The following MAGI2 variants were observed in gnomAD, a reference collection of about 807,000 sequenced individuals.
MAGI2 encodes membrane-associated guanylate kinase, WW and PDZ domain-containing protein 2.
MAGI2 carries 35 observed loss-of-function variants against 133.3 expected under a neutral mutation model. The observed-to-expected ratio is 0.26, with a 90% CI of 0.20 to 0.35. The LOEUF is 0.35. Among genes scored for constraint, MAGI2 ranks in the 10% least tolerant of loss-of-function variants. The pLI is 1.00. For synonymous variants in MAGI2, 729 were observed against 710.6 expected (o/e 1.03, Z -0.41); for missense variants, 1,636 against 1,863.4 (o/e 0.88, Z 2.25).
intron 1 of MAGI2, among the ~76,000 whole-genome samples, chr7:79,066,490 C>T (rs183371274): frequency 6.8e-4 from 104 of 152,048 alleles, no homozygotes; most frequent in African/African-American, 2.3e-3. Flanking sequence ...GGATAGATTG[C>T]AAACATTTTC....
intron 1 of MAGI2, among the ~76,000 whole-genome samples, chr7:79,386,457 C>G (rs769900462): frequency 2.6e-5 from 4 of 151,906 alleles, no homozygotes; most frequent in Admixed American, 6.6e-5. Context: ...CTGTGATTGA[C>G]AGCAGAGCTA....
At chr7:78,414,651 T>TAC (rs201936118) in intron 6 of MAGI2, among the ~76,000 whole-genome samples, 43 of 151,816 alleles carry the variant, frequency 2.8e-4, no homozygotes, top group Non-Finnish European at 4.9e-4. Flanking sequence ...CATGTGTGCA[T>TAC]ACACACACAC....
chr7:78,123,918 G>C (rs531457703), intron 20 of MAGI2, among the ~76,000 whole-genome samples: 1 of 152,176 alleles, frequency 6.6e-6, no homozygotes, highest in African/African-American at 2.4e-5. Context: ...GCCAGGAACC[G>C]TGCTGAGAAC....
At chr7:78,313,672 G>C (rs368122049) in intron 9 of MAGI2, among the ~76,000 whole-genome samples, 5 of 151,202 alleles carry the variant, frequency 3.3e-5, no homozygotes, top group African/African-American at 9.7e-5. Context: ...AAGTATTCTT[G>C]TCTGTGTATT....
At chr7:78,766,855 G>GAA (rs991949018) in intron 2 of MAGI2, among the ~76,000 whole-genome samples, 2 of 152,100 alleles carry the variant, frequency 1.3e-5, no homozygotes, top group African/African-American at 4.8e-5. Context: ...GAGAACTAGG[G>GAA]AAAAAAACTA....
intron 10 of MAGI2, chr7:78,255,548 C>T (rs917141402): frequency 4.6e-5 from 17 of 371,214 alleles, no homozygotes; most frequent in South Asian, 2.9e-4. Flanking sequence ...AACCTAAGCA[C>T]GATTAAAAGC....
chr7:78,427,997 C>T (rs763169610), intron 6 of MAGI2, among the ~76,000 whole-genome samples: 2 of 152,152 alleles, frequency 1.3e-5, no homozygotes, highest in African/African-American at 2.4e-5. Flanking sequence ...AACTTCCAGC[C>T]ACAATCCAAA....
At chr7:79,132,435 C>G (rs541394403) in intron 1 of MAGI2, among the ~76,000 whole-genome samples, 59 of 152,096 alleles carry the variant, frequency 3.9e-4, no homozygotes, top group African/African-American at 1.4e-3. Flanking sequence ...GAATAATGGC[C>G]TCCAGATCCA....
In MAGI2 at chr7:78,483,901, T is replaced by C. The variant is rs1210852417; in HGVS notation, c.1045+5860A>G. ...ACTTGAATAGTTAATACTGTTAGGATCTTTTTATGAGTTCTTCCTTGAGGA... is the reference window on the plus strand; with the variant it reads ...ACTTGAATAGTTAATACTGTTAGGACCTTTTTATGAGTTCTTCCTTGAGGA... On this transcript the variant is annotated intron_variant, in intron 6 of 21. Transcript: ENST00000354212. Among the ~76,000 whole-genome samples the C allele has an allele frequency of 2.6e-5, 4 of 151,992 alleles. 1 individual carries two copies. The highest frequency in any genetic ancestry group is 9.7e-5 in the African/African-American group (4 of 41,440).
chr7:78,314,422 TATC>T (rs1787194417), intron 9 of MAGI2, among the ~76,000 whole-genome samples: 3 of 152,140 alleles, frequency 2.0e-5, no homozygotes, highest in Non-Finnish European at 1.5e-5. Flanking sequence ...GCTGAGGAAT[TATC>T]ATGCTATCCT....
intron 1 of MAGI2, among the ~76,000 whole-genome samples, chr7:79,355,760 T>C (rs1841981723): frequency 6.6e-6 from 1 of 152,258 alleles, no homozygotes; most frequent in South Asian, 2.1e-4. Context: ...ACAACCACTG[T>C]GATTATCAAA....
intron 2 of MAGI2, among the ~76,000 whole-genome samples, chr7:78,874,467 T>C (rs1000476298): frequency 6.6e-6 from 1 of 152,172 alleles, no homozygotes; most frequent in African/African-American, 2.4e-5. Context: ...AGGATAATCA[T>C]TATAAAAACT....
chr7:78,575,254 A>C (rs1272688856), intron 3 of MAGI2, among the ~76,000 whole-genome samples: 1 of 152,186 alleles, frequency 6.6e-6, no homozygotes, highest in Admixed American at 6.5e-5. Flanking sequence ...AAAAATAATA[A>C]AGTATTGGAT....
intron 2 of MAGI2, among the ~76,000 whole-genome samples, chr7:78,719,127 T>C (rs879711881): frequency 6.6e-6 from 1 of 152,202 alleles, no homozygotes; most frequent in Non-Finnish European, 1.5e-5. Flanking sequence ...TTTCCAACAT[T>C]CTGGAGAGCC....
intron 9 of MAGI2, among the ~76,000 whole-genome samples, chr7:78,282,024 T>TAATA (rs997897281): frequency 2.3e-4 from 24 of 103,892 alleles, no homozygotes; most frequent in African/African-American, 1.1e-3. Context: ...AACATGTTTC[T>TAATA]AATACCATTG....
At chr7:78,585,088 C>G (rs1480615171) in intron 3 of MAGI2, among the ~76,000 whole-genome samples, 1 of 152,126 alleles carries the variant, frequency 6.6e-6, no homozygotes, top group Non-Finnish European at 1.5e-5. Flanking sequence ...AGAAAACAAA[C>G]TTCGGAAGGA....
chr7:78,067,499 GA>G (rs1358835956), intron 21 of MAGI2, among the ~76,000 whole-genome samples: 2 of 152,214 alleles, frequency 1.3e-5, no homozygotes, highest in African/African-American at 4.8e-5. Context: ...CACTCTTGAA[GA>G]GTGCATGCTG....
intron 2 of MAGI2, among the ~76,000 whole-genome samples, chr7:78,978,893 C>A (rs113055094): frequency 4.2e-4 from 64 of 151,810 alleles, no homozygotes; most frequent in African/African-American, 1.5e-3. Flanking sequence ...AACTATGAAA[C>A]CACTATACAC....
intron 14 of MAGI2, among the ~76,000 whole-genome samples, chr7:78,170,036 T>C (rs1825971748): frequency 6.6e-6 from 1 of 152,244 alleles, no homozygotes; most frequent in African/African-American, 2.4e-5. Flanking sequence ...AAGGTGCGTT[T>C]AGTTGGTTTG....
Sources: allele counts gnomAD v4.1 joint callset (sites outside exome capture counted in the v4.1 genomes callset), GRCh38; gene constraint gnomAD v4.1.1; transcripts MANE v1.5; gene names NCBI Gene and HGNC (gene_info 2026-07-23, HGNC 2026-07-21).